XKR3: variants seen among roughly 807,000 people sequenced by gnomAD.
XKR3 encodes the protein XK-related protein 3.
In XKR3, 27 loss-of-function variants were observed where a neutral mutation model predicts 40.3. That is an observed-to-expected ratio of 0.67 (90% CI 0.49 to 0.92). The LOEUF (loss-of-function observed/expected upper bound fraction) is 0.92. XKR3 is among the 40% of genes least tolerant of loss of function. XKR3 has a pLI of 0.00. For missense variants in XKR3, 472 were observed against 537.6 expected (o/e 0.88, Z 1.21); for synonymous variants, 193 against 195.4 (o/e 0.99, Z 0.10).
Position 16,784,008 on chromosome 22 carries a change from C to T in XKR3, c.991G>A (p.Asp331Asn). ...CWSAVKLQLS[D>N]DKIIDGRQRW... ...TGTCTCCCGTCAATTATTTTGTCAT[C>T]TGACAACTGCAGTTTCACTGCTGAC... The change falls in exon 4 of 4, where the codon GAT becomes AAT. Residue 331 changes from aspartate (D) to asparagine (N), a missense_variant. Asp to Asn is a conservative substitution (Grantham distance 23). Coordinates refer to ENST00000684488, the MANE Select transcript of XKR3 (RefSeq NM_001386955.1). The T allele has an allele frequency of 1.2e-6, 2 of 1,614,210 alleles. No homozygotes were observed. Among genetic ancestry groups the T allele is most frequent in the Non-Finnish European group, 1.7e-6 (2 of 1,180,036 alleles).
At chr22:16,812,200 A>G (rs544688466) in intron 1 of XKR3, among the ~76,000 whole-genome samples, 1 of 152,234 alleles carries the variant, frequency 6.6e-6, no homozygotes, top group Admixed American at 6.5e-5. Flanking sequence ...TTTAGCTCTC[A>G]CTGTTTTCCA....
chr22:16,797,688 G>A (rs1048011893), intron 3 of XKR3, among the ~76,000 whole-genome samples: 166 of 151,682 alleles, frequency 1.1e-3, no homozygotes, highest in African/African-American at 3.8e-3. Flanking sequence ...AGCTGCTTGG[G>A]AGGGTGAGGC....
chr22:16,794,830 G>A (rs1174305078), intron 3 of XKR3, among the ~76,000 whole-genome samples: 2 of 152,056 alleles, frequency 1.3e-5, no homozygotes, highest in Non-Finnish European at 2.9e-5. Flanking sequence ...TAAAGGAGCG[G>A]GTAAGATCCA....
chr22:16,788,542 T>C (rs1162095990), intron 3 of XKR3, among the ~76,000 whole-genome samples: 1 of 152,074 alleles, frequency 6.6e-6, no homozygotes, highest in Non-Finnish European at 1.5e-5. Context: ...AACTGCTGCA[T>C]TCTACCTACC....
chr22:16,803,018 T>C (rs2060175540), intron 2 of XKR3, among the ~76,000 whole-genome samples: 1 of 152,158 alleles, frequency 6.6e-6, no homozygotes. Context: ...GCTGTAAAGT[T>C]ATGTTAATCA....
In XKR3 at chr22:16,784,078, A is replaced by G; in HGVS notation, c.921T>C (p.Leu307=). The part of the protein sequence containing the change: ...NSNMVGTVLM[L]FLITLLYAAI... ...CAGCATATAGCAGTGTGATCAAGAA[A>G]AGCATCAGTACTGTACCCACCATAT... Residue 307 remains leucine (L), a synonymous_variant, in exon 4 of 4, where the codon CTT becomes CTC. Coordinates refer to ENST00000684488, the MANE Select transcript of XKR3 (RefSeq NM_001386955.1). 6.2e-7 allele frequency: 1 copy of G among 1,614,194 alleles called. No individual in the cohort carries two copies. The highest frequency in any genetic ancestry group is 8.5e-7 in the Non-Finnish European group (1 of 1,180,042).
intron 3 of XKR3, among the ~76,000 whole-genome samples, chr22:16,796,587 C>T (rs2060141936): frequency 2.0e-5 from 3 of 152,064 alleles, no homozygotes; most frequent in African/African-American, 7.2e-5. Flanking sequence ...ACCACATAAA[C>T]AGAATCAAAA....
chr22:16,794,016 T>C (rs1383222777), intron 3 of XKR3, among the ~76,000 whole-genome samples: 2 of 152,096 alleles, frequency 1.3e-5, no homozygotes, highest in Non-Finnish European at 2.9e-5. Context: ...TAATTCAAAA[T>C]GAATAAAACA....
intron 2 of XKR3, among the ~76,000 whole-genome samples, chr22:16,805,063 G>A (rs937425803): frequency 2.0e-5 from 3 of 152,044 alleles, no homozygotes; most frequent in Admixed American, 2.0e-4. Context: ...TAGTACTAGA[G>A]GTTCTAACCA....
At chr22:16,791,193 A>G (rs2060114141) in intron 3 of XKR3, among the ~76,000 whole-genome samples, 1 of 152,198 alleles carries the variant, frequency 6.6e-6, no homozygotes, top group Non-Finnish European at 1.5e-5. Context: ...TGTGGTACAT[A>G]TACACAATGG....
intron 3 of XKR3, among the ~76,000 whole-genome samples, chr22:16,786,188 T>C (rs1480839821): frequency 6.6e-6 from 1 of 151,638 alleles, no homozygotes; most frequent in African/African-American, 2.4e-5. Flanking sequence ...GGTGAATGGA[T>C]CACTAGAGCC....
chr22:16,822,924 C>T (rs2060262530), intron 1 of XKR3, among the ~76,000 whole-genome samples: 1 of 152,168 alleles, frequency 6.6e-6, no homozygotes, highest in African/African-American at 2.4e-5. Context: ...GCCCTTGTCA[C>T]CCAGGTTGGA....
intron 3 of XKR3, among the ~76,000 whole-genome samples, chr22:16,792,717 A>C (rs2060125513): frequency 6.6e-6 from 1 of 152,232 alleles, no homozygotes; most frequent in South Asian, 2.1e-4. Context: ...TTCAAATGAC[A>C]TCTGATGTCA....
At position 16,784,267 on chromosome 22, in the gene XKR3, C is replaced by T; in HGVS notation, c.732G>A (p.Leu244=). ...GAGTCACTACACGTGAGATAACCTC[C>T]AAAAAACGCCACATCACGACACAGA... is the stretch of plus-strand genomic sequence containing the variant. The part of the protein sequence containing the change: ...EFFCVVMWRF[L]EVISRVVTLA... Residue 244 remains leucine, a synonymous_variant, in exon 4 of 4, where the codon TTG becomes TTA. Transcript: ENST00000684488. 1 of 1,613,676 alleles carries T rather than the reference C, an allele frequency of 6.2e-7. No homozygotes were observed. The highest frequency in any genetic ancestry group is 1.7e-5 in the Admixed American group (1 of 59,926).
intron 1 of XKR3, among the ~76,000 whole-genome samples, chr22:16,824,174 A>T (rs1205083669): frequency 6.6e-6 from 1 of 152,196 alleles, no homozygotes; most frequent in East Asian, 1.9e-4. Context: ...TAAAGGGATG[A>T]GACAGAAAAA....
At chr22:16,800,980 C>T (rs751175238) in intron 2 of XKR3, among the ~76,000 whole-genome samples, 14 of 151,570 alleles carry the variant, frequency 9.2e-5, no homozygotes, top group African/African-American at 2.9e-4. Context: ...AAAGCTAATT[C>T]GATAATTGAA....
intron 3 of XKR3, among the ~76,000 whole-genome samples, chr22:16,784,763 A>C (rs1349328874): frequency 6.6e-6 from 1 of 152,262 alleles, no homozygotes; most frequent in Non-Finnish European, 1.5e-5. Context: ...AGCAGTCTCA[A>C]TTAAAAAAAA....
chr22:16,824,750 T>A (rs948958222), intron 1 of XKR3, among the ~76,000 whole-genome samples: 1 of 152,192 alleles, frequency 6.6e-6, no homozygotes. Flanking sequence ...AACCACTTCC[T>A]TCTCCTTTGG....
At position 16,793,058 on chromosome 22, in the gene XKR3, G is replaced by A. The variant is rs1283352572; in HGVS notation, c.589+6713C>T. On this transcript the variant is annotated intron_variant, in intron 3 of 3. Coordinates refer to ENST00000684488, the MANE Select transcript of XKR3 (RefSeq NM_001386955.1). ...GCAGAGTTTTGCTCTTGTTTCCCAG[G>A]CTGGAGTGCAATGGGGCCATCTTGG... 3.3e-5 allele frequency among the ~76,000 whole-genome samples: 5 copies of A among 151,918 alleles called. No homozygotes were observed. In the East Asian group the frequency reaches 7.7e-4, roughly 23 times the overall value.
Sources: allele counts gnomAD v4.1 joint callset (sites outside exome capture counted in the v4.1 genomes callset), GRCh38; gene constraint gnomAD v4.1.1; transcripts MANE v1.5; gene names NCBI Gene and HGNC (gene_info 2026-07-23, HGNC 2026-07-21).